Variants in LATS2 observed in about 807,000 individuals in gnomAD.
The protein encoded by LATS2 is large tumor suppressor kinase 2, also known as serine/threonine-protein kinase LATS2.
A neutral mutation model predicts 76.0 loss-of-function variants in LATS2; 24 were observed. The ratio of observed to expected loss-of-function variants is 0.32; its 90% CI spans 0.23 to 0.44. The LOEUF (loss-of-function observed/expected upper bound fraction) is 0.44, where lower values mean the gene tolerates loss of function less well. Ranked by LOEUF, LATS2 falls within the 20% of genes least tolerant of loss-of-function variation. The pLI, the probability that LATS2 is intolerant of heterozygous loss-of-function variation, is 1.00. For synonymous variants in LATS2, 692 were observed against 635.4 expected (o/e 1.09, Z -1.34); for missense variants, 1,286 against 1,481.2 (o/e 0.87, Z 2.16).
At chr13:21,015,090 ATTC>A (rs1448031129) in intron 2 of LATS2, among the ~76,000 whole-genome samples, 1 of 152,232 alleles carries the variant, frequency 6.6e-6, no homozygotes, top group African/African-American at 2.4e-5. Context: ...CTGATACAGA[ATTC>A]TTCTTGAGTG....
rs1193434569 is a variant in LATS2, at chr13:20,988,813, G to A, written c.967C>T (p.Pro323Ser). The A allele has an allele frequency of 6.3e-7, 1 of 1,596,702 alleles. No individual in the cohort carries two copies. The highest frequency in any genetic ancestry group is 8.5e-7 in the Non-Finnish European group (1 of 1,177,518). The stretch of plus-strand genomic sequence containing the variant: ...AGCACATGCAGCTGGTGGGCCGCGG[G>A]ACCGGCCTGCTTGTGGTGTGGGTGC... ...VPHPHHKQAG[P>S]AAHQLHVLGS... Residue 323 changes from proline (P) to serine (S), a missense_variant, in exon 4 of 8, where the codon CCC (proline) becomes TCC (serine). Physicochemically the swap from Pro to Ser is moderately conservative, Grantham distance 74. Transcript: ENST00000382592.
At position 20,988,307 on chromosome 13, in the gene LATS2, G is replaced by A. The variant is rs1417683743; in HGVS notation, c.1473C>T (p.Ala491=). ...AGGCGCCTGCGCCGCCCAGCGCCAGGGCATGCTCCTCCTTGGCGTCCAAGC... is the reference window on the plus strand; with the variant it reads ...AGGCGCCTGCGCCGCCCAGCGCCAGAGCATGCTCCTCCTTGGCGTCCAAGC... ...AEGLDAKEEH[A]LALGGAGAFP... The change falls in exon 4 of 8, where the codon GCC becomes GCT. Residue 491 remains alanine (A), a synonymous_variant. Coordinates refer to ENST00000382592, the MANE Select transcript of LATS2 (RefSeq NM_014572.3). 6.4e-7 allele frequency: 1 copy of A among 1,553,956 alleles called. No individual in the cohort carries two copies. The highest frequency in any genetic ancestry group is 1.9e-5 in the Admixed American group (1 of 52,166).
chr13:21,019,973 T>TAAA (rs528686392), intron 2 of LATS2, among the ~76,000 whole-genome samples: 2 of 112,122 alleles, frequency 1.8e-5, no homozygotes, highest in East Asian at 2.5e-4. Context: ...AGACTCCATC[T>TAAA]AAAAAAAAAA....
In LATS2 at chr13:20,988,340, A is replaced by AACCGGG; in HGVS notation, c.1439_1440insCCCGGT (p.Ala480_Ala481insProVal). 1 of 907,704 alleles carries AACCGGG rather than the reference A, an allele frequency of 1.1e-6. No homozygotes were observed. Among genetic ancestry groups the AACCGGG allele is most frequent in the Non-Finnish European group, 1.5e-6 (1 of 658,070 alleles). The allele number at this position is 907,704 out of a possible 1,614,324, so 56.2% of individuals were successfully genotyped here. A position where few individuals can be genotyped will look rare whatever the true frequency, so the allele number is the denominator to read the frequency against. On this transcript the variant is annotated inframe_insertion, in exon 4 of 8. Transcript: ENST00000382592. ...CCTCCTTGGCGTCCAAGCCCTCCGC[A>AACCGGG]GCCGGGGCGGGGGCGGGGGCGGGGG...
At chr13:21,007,702 A>AG in intron 2 of LATS2, among the ~76,000 whole-genome samples, 4 of 360 alleles carry the variant, frequency 0.011, 2 homozygotes, top group African/African-American at 0.016. Context: ...TATATATAGT[A>AG]TGTATATATA....
chr13:20,986,208 A>G (rs545592423), intron 4 of LATS2, among the ~76,000 whole-genome samples: 1 of 152,342 alleles, frequency 6.6e-6, no homozygotes, highest in Non-Finnish European at 1.5e-5. Context: ...ACTATTATCA[A>G]AAAGGAAAAA....
At position 20,973,465 on chromosome 13, in the gene LATS2, T is replaced by C. The variant is rs145325971; in HGVS notation, c.*1405A>G. 40 of 232,624 alleles carry C rather than the reference T, an allele frequency of 1.7e-4. No individual in the cohort carries two copies. Among genetic ancestry groups the C allele is most frequent in the Middle Eastern group, 1.3e-3 (1 of 774 alleles). The allele number at this position is 232,624 out of a possible 1,614,324, so 14.4% of individuals were successfully genotyped here. ...AACTTTTTACTCAAATATAAATCAC[T>C]TTAAATAGGAATCATACTAATTTGA... is the stretch of plus-strand genomic sequence containing the variant. On this transcript the variant is annotated 3_prime_UTR_variant, in exon 8 of 8. Coordinates refer to ENST00000382592, the MANE Select transcript of LATS2 (RefSeq NM_014572.3).
At chr13:21,058,662 T>A (rs559962380) in intron 1 of LATS2, among the ~76,000 whole-genome samples, 2 of 152,256 alleles carry the variant, frequency 1.3e-5, no homozygotes, top group African/African-American at 4.8e-5. Context: ...ATTCTAGTAA[T>A]TCACCTTGGT....
At chr13:21,029,027 A>G (rs1392065080) in intron 2 of LATS2, among the ~76,000 whole-genome samples, 1 of 152,260 alleles carries the variant, frequency 6.6e-6, no homozygotes, top group Non-Finnish European at 1.5e-5. Context: ...AAAAAGGATC[A>G]TGTCAAATGC....
chr13:21,042,872 T>C (rs1872929666), intron 2 of LATS2, among the ~76,000 whole-genome samples: 1 of 151,768 alleles, frequency 6.6e-6, no homozygotes, highest in Admixed American at 6.6e-5. Context: ...TAATCCCAGC[T>C]ACTCAGGAGG....
chr13:20,982,902 G>A (rs1439838774), intron 5 of LATS2, among the ~76,000 whole-genome samples: 1 of 145,680 alleles, frequency 6.9e-6, no homozygotes, highest in Non-Finnish European at 1.5e-5. Context: ...GGAGGCAGGA[G>A]AATCACTTGA....
chr13:20,988,829 G>A lies in LATS2; in HGVS notation c.951C>T (p.His317=). The part of the protein sequence containing the change: ...PAAGLYVPHP[H]HKQAGPAAHQ... ...GGGCCGCGGGACCGGCCTGCTTGTGGTGTGGGTGCGGCACGTAGAGCCCGG... is the reference window on the plus strand; with the variant it reads ...GGGCCGCGGGACCGGCCTGCTTGTGATGTGGGTGCGGCACGTAGAGCCCGG... Residue 317 remains histidine (H), a synonymous_variant, in exon 4 of 8, where the codon CAC becomes CAT. Coordinates refer to ENST00000382592, the MANE Select transcript of LATS2 (RefSeq NM_014572.3). The A allele has an allele frequency of 6.3e-7, 1 of 1,597,190 alleles. No individual in the cohort carries two copies. The highest frequency in any genetic ancestry group is 8.5e-7 in the Non-Finnish European group (1 of 1,177,634).
chr13:21,050,350 T>C (rs1021000470), intron 1 of LATS2, among the ~76,000 whole-genome samples: 1 of 149,700 alleles, frequency 6.7e-6, no homozygotes, highest in African/African-American at 2.4e-5. Flanking sequence ...TGTATCATTA[T>C]CACAACCCCA....
At chr13:21,056,971 G>T (rs759167381) in intron 1 of LATS2, among the ~76,000 whole-genome samples, 1 of 152,350 alleles carries the variant, frequency 6.6e-6, no homozygotes, top group Middle Eastern at 3.4e-3. Flanking sequence ...ATGTTGGGGA[G>T]GGTGCAGGTG....
At chr13:21,057,873 A>T (rs1420737482) in intron 1 of LATS2, among the ~76,000 whole-genome samples, 1 of 152,250 alleles carries the variant, frequency 6.6e-6, no homozygotes, top group African/African-American at 2.4e-5. Flanking sequence ...CTGAGAGAAC[A>T]GCTAACAGTG....
intron 5 of LATS2, among the ~76,000 whole-genome samples, chr13:20,982,051 A>C (rs1156998901): frequency 6.6e-6 from 1 of 152,248 alleles, no homozygotes; most frequent in Non-Finnish European, 1.5e-5. Context: ...GGAGGATTTA[A>C]ACAACATGAA....
In LATS2 at chr13:21,057,267, AT is replaced by A. The variant is rs1299635831; in HGVS notation, c.-205+4078del. 2.0e-5 allele frequency among the ~76,000 whole-genome samples: 3 copies of A among 152,188 alleles called. No individual in the cohort carries two copies. In the East Asian group the frequency reaches 5.8e-4, roughly 29 times the overall value. ...ACAAACCATGGCTACAAAATATGGG[AT>A]TTTTTCATTTTTCTCCCAGAAAAAT... is the stretch of plus-strand genomic sequence containing the variant. On this transcript the variant is annotated intron_variant, in intron 1 of 7. Coordinates refer to ENST00000382592, the MANE Select transcript of LATS2 (RefSeq NM_014572.3).
chr13:21,032,408 T>C (rs1872558378), intron 2 of LATS2, among the ~76,000 whole-genome samples: 1 of 152,074 alleles, frequency 6.6e-6, no homozygotes, highest in Admixed American at 6.6e-5. Flanking sequence ...GCTGGGATTA[T>C]GGCGCCCACC....
intron 4 of LATS2, among the ~76,000 whole-genome samples, chr13:20,986,439 T>G (rs1365616773): frequency 6.6e-6 from 1 of 152,146 alleles, no homozygotes; most frequent in Non-Finnish European, 1.5e-5. Flanking sequence ...TATTCAGCCA[T>G]AAAAAAGAAT....
Sources: gnomAD v4.1 joint callset for allele counts (sites outside exome capture counted in the v4.1 genomes callset) on GRCh38, gnomAD v4.1.1 for gene constraint, MANE v1.5 for transcripts, NCBI Gene and HGNC (gene_info 2026-07-23, HGNC 2026-07-21) for gene names.